The following PPP5C variants were observed in gnomAD, a reference collection of about 807,000 sequenced individuals.
The protein encoded by PPP5C is serine/threonine-protein phosphatase 5.
Under a neutral mutation model 66.7 loss-of-function variants are expected in PPP5C, and 21 were observed. The ratio of observed to expected loss-of-function variants is 0.31; its 90% CI spans 0.22 to 0.45. The LOEUF is 0.45. PPP5C is among the 20% of genes least tolerant of loss of function. The pLI is 1.00. For missense variants in PPP5C, 464 were observed against 675.9 expected (o/e 0.69, Z 3.48); for synonymous variants, 246 against 257.4 (o/e 0.96, Z 0.43).
chr19:46,361,416 A>C (rs1179371559), intron 2 of PPP5C, among the ~76,000 whole-genome samples: 1 of 145,346 alleles, frequency 6.9e-6, no homozygotes, highest in Non-Finnish European at 1.5e-5. Flanking sequence ...GGCGTGAGCC[A>C]CTGCGCCTGG....
chr19:46,382,799 A>G (rs888335229), intron 4 of PPP5C: 1 of 1,019,076 alleles, frequency 9.8e-7, no homozygotes, highest in Non-Finnish European at 1.2e-6. Context: ...TAAGGTAGAC[A>G]GTCCACAGGC....
At chr19:46,369,954 A>G (rs1334115554) in intron 2 of PPP5C, among the ~76,000 whole-genome samples, 1 of 149,822 alleles carries the variant, frequency 6.7e-6, no homozygotes, top group African/African-American at 2.5e-5. Flanking sequence ...GATAAAATCT[A>G]GTACACCTGT....
intron 2 of PPP5C, among the ~76,000 whole-genome samples, chr19:46,374,398 C>T (rs968288380): frequency 2.1e-4 from 32 of 152,126 alleles, no homozygotes; most frequent in African/African-American, 6.5e-4. Flanking sequence ...ACAGGAGATA[C>T]GGGGGTCTGC....
chr19:46,384,284 A>T (rs558655533), intron 6 of PPP5C: 2 of 266,854 alleles, frequency 7.5e-6, no homozygotes, highest in South Asian at 1.1e-4. Context: ...GCAAAGAGGG[A>T]TAATAATATG....
Position 46,347,121 on chromosome 19 carries a change from A to G in PPP5C, c.25A>G (p.Thr9Ala), listed in dbSNP as rs1972095052. 3.7e-6 allele frequency: 6 copies of G among 1,604,504 alleles called. No individual in the cohort carries two copies. Among genetic ancestry groups the G allele is most frequent in the Admixed American group, 1.7e-5 (1 of 58,734 alleles). Reference protein sequence around the residue: MAMAEGERTECAEPPRDEP... With the variant: MAMAEGERAECAEPPRDEP... Reference sequence around the variant, plus strand: ...CATGGCGATGGCGGAGGGCGAGAGGACTGAGTGTGCTGAGCCCCCCCGGGA... The same window carrying G: ...CATGGCGATGGCGGAGGGCGAGAGGGCTGAGTGTGCTGAGCCCCCCCGGGA... Residue 9 changes from threonine to alanine, a missense_variant, in exon 1 of 13, where the codon ACT (threonine) becomes GCT (alanine). Physicochemically the swap from Thr to Ala is moderately conservative, Grantham distance 58 (BLOSUM62 0). This residue lies in a region of PPP5C where 77 missense variants were observed against 49.9 expected (regional missense o/e 1.54). Transcript: ENST00000012443.
chr19:46,363,690 A>G (rs1302025535), intron 2 of PPP5C, among the ~76,000 whole-genome samples: 2 of 152,008 alleles, frequency 1.3e-5, no homozygotes, highest in Admixed American at 6.6e-5. Flanking sequence ...CAGCCTCCCA[A>G]AGTGCTGGGA....
intron 2 of PPP5C, among the ~76,000 whole-genome samples, chr19:46,371,398 G>A (rs981104393): frequency 2.0e-5 from 3 of 152,118 alleles, no homozygotes; most frequent in African/African-American, 4.8e-5. Flanking sequence ...CGCTCGCCAG[G>A]GCCCAGGGTG....
At chr19:46,386,279 G>T (rs1262468415) in intron 7 of PPP5C, among the ~76,000 whole-genome samples, 1 of 152,228 alleles carries the variant, frequency 6.6e-6, no homozygotes, top group Non-Finnish European at 1.5e-5. Context: ...CACAGGGGAG[G>T]CCCTGCCCAT....
At position 46,390,378 on chromosome 19, in the gene PPP5C, C is replaced by G; in HGVS notation, c.*32C>G. The G allele has an allele frequency of 6.4e-7, 1 of 1,555,134 alleles. No individual in the cohort carries two copies. Among genetic ancestry groups the G allele is most frequent in the Non-Finnish European group, 8.7e-7 (1 of 1,149,338 alleles). ...GGGCGGGGCGGCCTGCATCCCAGGG[C>G]CCCTCCAATCCCACCGGACCCAGGC... On this transcript the variant is annotated 3_prime_UTR_variant, in exon 13 of 13. Transcript: ENST00000012443.
At chr19:46,371,638 G>A (rs1361473322) in intron 2 of PPP5C, among the ~76,000 whole-genome samples, 1 of 152,174 alleles carries the variant, frequency 6.6e-6, no homozygotes, top group African/African-American at 2.4e-5. Flanking sequence ...AGCTCAGGCA[G>A]TGCACCTTGG....
intron 2 of PPP5C, among the ~76,000 whole-genome samples, chr19:46,368,299 C>A (rs1972524806): frequency 6.6e-6 from 1 of 152,218 alleles, no homozygotes; most frequent in African/African-American, 2.4e-5. Context: ...AGCTGCTGTA[C>A]CATGCGGTTT....
Position 46,376,651 on chromosome 19 carries a change from C to CA in PPP5C, c.633+81dup, listed in dbSNP as rs1400268686. 1 of 1,559,876 alleles carries CA rather than the reference C, an allele frequency of 6.4e-7. No individual in the cohort carries two copies. On this transcript the variant is annotated intron_variant, in intron 4 of 12. Transcript: ENST00000012443. The surrounding 1 kb of genome is among the most constrained non-coding windows in gnomAD (Gnocchi z 5.1). The stretch of plus-strand genomic sequence containing the variant: ...AGCACTGCCAGCCGCGGGCACTGAG[C>CA]AAAACGACAGGAGAAGGGCGGCCAT...
intron 6 of PPP5C, chr19:46,384,571 G>T (rs1014719833): frequency 1.2e-4 from 58 of 480,660 alleles, no homozygotes; most frequent in African/African-American, 1.1e-3. Context: ...AGGGTCCTCA[G>T]TGCCATACTA....
At chr19:46,363,649 C>T (rs1248143237) in intron 2 of PPP5C, among the ~76,000 whole-genome samples, 3 of 151,936 alleles carry the variant, frequency 2.0e-5, no homozygotes, top group African/African-American at 4.8e-5. Context: ...CAGATGGTCT[C>T]GATCTCCTGA....
chr19:46,383,963 C>A lies in PPP5C; in HGVS notation c.798+85C>A. On this transcript the variant is annotated intron_variant, in intron 6 of 12. Coordinates refer to ENST00000012443, the MANE Select transcript of PPP5C (RefSeq NM_006247.4). This position sits in a 1 kb window ranked among gnomAD's most constrained non-coding sequence, Gnocchi z 5.0. ...CTGCACAGAGTGGGAGGAGCCCTTGCCAGGAAAAGACGTGACCTTGGAAAG... is the reference window on the plus strand; with the variant it reads ...CTGCACAGAGTGGGAGGAGCCCTTGACAGGAAAAGACGTGACCTTGGAAAG... 1 of 1,151,036 alleles carries A rather than the reference C, an allele frequency of 8.7e-7. No homozygotes were observed. Among genetic ancestry groups the A allele is most frequent in the Non-Finnish European group, 1.3e-6 (1 of 775,346 alleles). 71.3% of individuals were successfully genotyped at this position (1,151,036 alleles called of 1,614,324 possible).
chr19:46,358,037 C>A (rs565690791), intron 2 of PPP5C, among the ~76,000 whole-genome samples: 19 of 152,316 alleles, frequency 1.2e-4, no homozygotes, highest in African/African-American at 4.1e-4. Context: ...AGCCCCCATC[C>A]TGAAGCTACA....
chr19:46,349,839 A>G (rs953494485), intron 1 of PPP5C, among the ~76,000 whole-genome samples: 7 of 151,584 alleles, frequency 4.6e-5, no homozygotes, highest in Non-Finnish European at 8.8e-5. Flanking sequence ...GAGAGGGTGG[A>G]CGGTACTCCA....
At position 46,387,043 on chromosome 19, in the gene PPP5C, A is replaced by G. The variant is rs750987328; in HGVS notation, c.905-50A>G. 3.1e-6 allele frequency: 5 copies of G among 1,613,584 alleles called. No individual in the cohort carries two copies. The East Asian group carries it at 8.9e-5, about 29-fold the overall frequency. ...CCTTGAGGGTGCCAGGCTGGAGGAC[A>G]CTGATGTACCTGGAGGCTGAGCTTT... On this transcript the variant is annotated intron_variant, in intron 7 of 12. Coordinates refer to ENST00000012443, the MANE Select transcript of PPP5C (RefSeq NM_006247.4).
intron 2 of PPP5C, among the ~76,000 whole-genome samples, chr19:46,364,464 A>C (rs1226208137): frequency 6.6e-6 from 1 of 152,182 alleles, no homozygotes; most frequent in African/African-American, 2.4e-5. Flanking sequence ...GTTTTTAAAC[A>C]GATAGCAAAC....
Sources: allele counts gnomAD v4.1 joint callset (sites outside exome capture counted in the v4.1 genomes callset), GRCh38; gene constraint gnomAD v4.1.1; regional missense constraint gnomAD v4.1.1; non-coding constraint Gnocchi (gnomAD v3.1); transcripts MANE v1.5; gene names NCBI Gene and HGNC (gene_info 2026-07-23, HGNC 2026-07-21).